IQCH: variants seen among roughly 807,000 people sequenced by gnomAD.
IQCH encodes the protein IQ motif containing H, also known as IQ domain-containing protein H.
IQCH carries 98 observed loss-of-function variants against 117.0 expected under a neutral mutation model. The ratio of observed to expected loss-of-function variants is 0.84; its 90% CI spans 0.71 to 0.99. The LOEUF is 0.99. Among genes scored for constraint, IQCH ranks in the 50% least tolerant of loss-of-function variants. IQCH has a pLI of 0.00. For synonymous variants in IQCH, 412 were observed against 448.2 expected (o/e 0.92, Z 1.02); for missense variants, 1,102 against 1,243.8 (o/e 0.89, Z 1.72).
chr15:67,415,962 C>T (rs2081566131), intron 14 of IQCH, among the ~76,000 whole-genome samples: 1 of 152,136 alleles, frequency 6.6e-6, no homozygotes, highest in African/African-American at 2.4e-5. Context: ...ATTTGGGAGG[C>T]TAAGGCAGGA....
rs779854876 is a variant in IQCH, at chr15:67,465,183, C to T, written c.2562C>T (p.Leu854=). Residue 854 remains leucine (L), a synonymous_variant, in exon 17 of 21, where the codon CTC becomes CTT. Coordinates refer to ENST00000335894, the MANE Select transcript of IQCH (RefSeq NM_001031715.3). This position sits in a 1 kb window ranked among gnomAD's most constrained non-coding sequence, Gnocchi z 5.9. ...AYSDQLALTQ[L]TLYLTNGHLD... ...GTGACCAGCTGGCCCTGACTCAACT[C>T]ACCTTATACCTGACAAACGGCCATC... is the stretch of plus-strand genomic sequence containing the variant. 2 of 1,614,182 alleles carry T rather than the reference C, an allele frequency of 1.2e-6. No homozygotes were observed. The highest frequency in any genetic ancestry group is 1.7e-6 in the Non-Finnish European group (2 of 1,180,016).
rs1227248548 is a variant in IQCH at position 67,416,324 on chromosome 15, C to T, written c.2098-607C>T. Among the ~76,000 whole-genome samples the T allele has an allele frequency of 6.6e-6, 1 of 151,848 alleles. No individual in the cohort carries two copies. The highest frequency in any genetic ancestry group is 1.9e-4 in the East Asian group (1 of 5,176). On this transcript the variant is annotated intron_variant, in intron 14 of 20. Transcript: ENST00000335894. This position sits in a 1 kb window ranked among gnomAD's most constrained non-coding sequence, Gnocchi z 5.1. ...CCTGAGGTCGGGAGTTTGAGACCAGCCTGACCAACATGGAGAAACCCCGTC... is the reference window on the plus strand; with the variant it reads ...CCTGAGGTCGGGAGTTTGAGACCAGTCTGACCAACATGGAGAAACCCCGTC...
intron 4 of IQCH, among the ~76,000 whole-genome samples, chr15:67,312,054 CTT>C (rs1344600002): frequency 1.6e-4 from 24 of 152,150 alleles, no homozygotes; most frequent in Non-Finnish European, 4.4e-5. Flanking sequence ...CACTTTATGA[CTT>C]GGGCCTTGAA....
chr15:67,456,402 G>T lies in IQCH; in HGVS notation c.2506-8725G>T. On this transcript the variant is annotated intron_variant, in intron 16 of 20. Transcript: ENST00000335894. The surrounding 1 kb of genome is among the most constrained non-coding windows in gnomAD (Gnocchi z 5.1). ...TTTGATTCTAGTTCCTCCCCTAAAT[G>T]TGGGACCTGAGAAGTCATTTCACCC... Among the ~76,000 whole-genome samples, 1 of 152,106 alleles carries T rather than the reference G, an allele frequency of 6.6e-6. No homozygotes were observed. Among genetic ancestry groups the T allele is most frequent in the East Asian group, 1.9e-4 (1 of 5,192 alleles).
chr15:67,335,899 C>T (rs1377713401), intron 4 of IQCH, among the ~76,000 whole-genome samples: 2 of 152,182 alleles, frequency 1.3e-5, no homozygotes, highest in Admixed American at 6.5e-5. Context: ...TTTGTCCAGA[C>T]ATTTCTCAGC....
chr15:67,348,383 A>G (rs62016009), intron 6 of IQCH, among the ~76,000 whole-genome samples: 2 of 140,792 alleles, frequency 1.4e-5, no homozygotes, highest in East Asian at 2.1e-4. Flanking sequence ...ACACACACGC[A>G]CACACAAAAG....
intron 5 of IQCH, among the ~76,000 whole-genome samples, chr15:67,338,351 T>C (rs933007960): frequency 2.6e-5 from 4 of 152,172 alleles, no homozygotes; most frequent in Non-Finnish European, 5.9e-5. Context: ...ACATTTTCAT[T>C]TCTAAATTAT....
intron 6 of IQCH, among the ~76,000 whole-genome samples, chr15:67,346,415 A>T (rs1969393230): frequency 6.6e-6 from 1 of 152,028 alleles, no homozygotes; most frequent in Admixed American, 6.6e-5. Flanking sequence ...GGTGGGGAGG[A>T]ATAGTTTCAG....
At chr15:67,397,931 T>C (rs1971522862) in intron 13 of IQCH, among the ~76,000 whole-genome samples, 1 of 152,230 alleles carries the variant, frequency 6.6e-6, no homozygotes, top group African/African-American at 2.4e-5. Flanking sequence ...ATGGGAAATA[T>C]TGACAGCTTT....
Position 67,408,156 on chromosome 15 carries a change from A to G in IQCH, c.2097+7851A>G, listed in dbSNP as rs2081355852. 1 of 152,380 alleles carries G rather than the reference A, an allele frequency of 6.6e-6. No individual in the cohort carries two copies. Among genetic ancestry groups the G allele is most frequent in the East Asian group, 1.9e-4 (1 of 5,194 alleles). The allele number at this position is 152,380 out of a possible 1,614,324, so 9.4% of individuals were successfully genotyped here. A position where few individuals can be genotyped will look rare whatever the true frequency, so the allele number is the denominator to read the frequency against. On this transcript the variant is annotated intron_variant, in intron 14 of 20. Coordinates refer to ENST00000335894, the MANE Select transcript of IQCH (RefSeq NM_001031715.3). This position sits in a 1 kb window ranked among gnomAD's most constrained non-coding sequence, Gnocchi z 4.2. ...CGCAATAACAGCATGGAAGGAAGGA[A>G]TAAAGCAAAAGATGAGAGGAACGAG...
At chr15:67,281,788 A>G (rs1374390306) in intron 4 of IQCH, 1 of 454,544 alleles carries the variant, frequency 2.2e-6, no homozygotes, top group East Asian at 7.0e-5. Context: ...GGGGTAAAAT[A>G]TTTTTATTTC....
chr15:67,322,244 CTT>C (rs935421164), intron 4 of IQCH, among the ~76,000 whole-genome samples: 5 of 152,130 alleles, frequency 3.3e-5, no homozygotes, highest in African/African-American at 9.7e-5. Flanking sequence ...AGAAAAATCT[CTT>C]TTCCTCTCTC....
At chr15:67,398,281 CTGCAAAGTG>C (rs1395495390) in intron 13 of IQCH, among the ~76,000 whole-genome samples, 1 of 152,114 alleles carries the variant, frequency 6.6e-6, no homozygotes, top group Non-Finnish European at 1.5e-5. Context: ...ATTTCTACTT[CTGCAAAGTG>C]TGATCATAAT....
intron 3 of IQCH, among the ~76,000 whole-genome samples, chr15:67,266,285 G>A (rs1337207045): frequency 6.6e-6 from 1 of 152,018 alleles, no homozygotes; most frequent in Non-Finnish European, 1.5e-5. Context: ...TGCTAACAGT[G>A]TTCATTAACT....
In IQCH at chr15:67,466,074, C is replaced by T. The variant is rs1781965427; in HGVS notation, c.2676+777C>T. ...CATTTCCCAGCTTGGTTAAGGAGCC[C>T]CATCATGTTCCACCTCTTCCCACAG... On this transcript the variant is annotated intron_variant, in intron 17 of 20. Transcript: ENST00000335894. This position sits in a 1 kb window ranked among gnomAD's most constrained non-coding sequence, Gnocchi z 4.4. Among the ~76,000 whole-genome samples the T allele has an allele frequency of 6.6e-6, 1 of 152,178 alleles. No individual in the cohort carries two copies. The highest frequency in any genetic ancestry group is 1.5e-5 in the Non-Finnish European group (1 of 68,036).
chr15:67,280,998 A>G (rs1312544270), intron 4 of IQCH, among the ~76,000 whole-genome samples: 1 of 151,934 alleles, frequency 6.6e-6, no homozygotes, highest in Non-Finnish European at 1.5e-5. Context: ...GGCACCCACC[A>G]CCACGCCCGG....
intron 10 of IQCH, among the ~76,000 whole-genome samples, chr15:67,374,487 A>G (rs574735538): frequency 6.6e-6 from 1 of 152,354 alleles, no homozygotes; most frequent in African/African-American, 2.4e-5. Flanking sequence ...ATGAAAAGAA[A>G]AAACATTTAA....
At chr15:67,498,508 C>T (rs1328960233) in intron 20 of IQCH, among the ~76,000 whole-genome samples, 1 of 151,470 alleles carries the variant, frequency 6.6e-6, no homozygotes, top group Non-Finnish European at 1.5e-5. Context: ...CCCAGCTACT[C>T]AGGAGGCTGA....
At chr15:67,341,311 A>G (rs1454677039) in intron 5 of IQCH, among the ~76,000 whole-genome samples, 1 of 152,256 alleles carries the variant, frequency 6.6e-6, no homozygotes, top group Non-Finnish European at 1.5e-5. Flanking sequence ...TTCCTTGTGA[A>G]CAAGAAATTC....
Sources: gnomAD v4.1 joint callset for allele counts (sites outside exome capture counted in the v4.1 genomes callset) on GRCh38, gnomAD v4.1.1 for gene constraint, Gnocchi (gnomAD v3.1) non-coding constraint, MANE v1.5 for transcripts, NCBI Gene and HGNC (gene_info 2026-07-23, HGNC 2026-07-21) for gene names.